Variants in ENPP2 observed in about 807,000 individuals in gnomAD.
ENPP2 encodes ectonucleotide pyrophosphatase/phosphodiesterase 2.
A neutral mutation model predicts 120.2 loss-of-function variants in ENPP2; 51 were observed. That is an observed-to-expected ratio of 0.42 (90% CI 0.34 to 0.54). The LOEUF (loss-of-function observed/expected upper bound fraction) is 0.54. Ranked by LOEUF, ENPP2 falls within the 20% of genes least tolerant of loss-of-function variation. The pLI is 0.04. For missense variants in ENPP2, 920 were observed against 1,066.5 expected (o/e 0.86, Z 1.91); for synonymous variants, 365 against 366.4 (o/e 1.00, Z 0.04).
At position 119,617,387 on chromosome 8, in the gene ENPP2, A is replaced by T; in HGVS notation, c.577+79T>A. 2.6e-6 allele frequency: 3 copies of T among 1,167,732 alleles called. No homozygotes were observed. The South Asian group carries it at 3.9e-5, about 15-fold the overall frequency. 72.3% of individuals were successfully genotyped at this position (1,167,732 alleles called of 1,614,324 possible). On this transcript the variant is annotated intron_variant, in intron 6 of 24. Transcript: ENST00000075322. Reference sequence around the variant, plus strand: ...CACATTTAAAACTACGTGCCCATAGATCTCAAAGCCCACAGCCCACTGGTT... The same window carrying T: ...CACATTTAAAACTACGTGCCCATAGTTCTCAAAGCCCACAGCCCACTGGTT...
intron 24 of ENPP2, among the ~76,000 whole-genome samples, chr8:119,561,914 G>A (rs934692854): frequency 1.3e-5 from 2 of 152,010 alleles, no homozygotes; most frequent in Admixed American, 6.6e-5. Flanking sequence ...CAAGGTGGGT[G>A]GATCACGAGG....
chr8:119,610,181 AC>A (rs763039489), intron 8 of ENPP2, among the ~76,000 whole-genome samples: 3 of 152,176 alleles, frequency 2.0e-5, no homozygotes, highest in Non-Finnish European at 4.4e-5. Context: ...GAAAAAAAAA[AC>A]TAACCAATTT....
upstream of ENPP2, among the ~76,000 whole-genome samples, chr8:119,640,904 G>A (rs1249416320): frequency 1.3e-5 from 2 of 151,948 alleles, no homozygotes. Flanking sequence ...ATGCCAACAC[G>A]CCTGGCTAAT....
intron 17 of ENPP2, 79 bp from the exon 18 acceptor site, chr8:119,582,681 C>A: frequency 9.8e-7 from 1 of 1,022,004 alleles, no homozygotes. Context: ...AACCCTTCAC[C>A]TTCTATGGGT....
intron 1 of ENPP2, chr8:119,673,222 A>C: frequency 6.6e-7 from 1 of 1,522,730 alleles, no homozygotes; most frequent in Non-Finnish European, 8.8e-7. Flanking sequence ...CAAGCAATGG[A>C]GGACGGGTAG....
At chr8:119,600,573 A>G (rs1814226604) in intron 11 of ENPP2, 105 bp downstream of exon 11, 2 of 741,962 alleles carry the variant, frequency 2.7e-6, no homozygotes, top group East Asian at 5.2e-5. Context: ...TAAACCTTGT[A>G]GATACAAACA....
chr8:119,557,786 C>A, intron 24 of ENPP2, 95 bp from the exon 25 acceptor site: 1 of 1,013,952 alleles, frequency 9.9e-7, no homozygotes, highest in Non-Finnish European at 1.4e-6. Context: ...GACCTCTGTG[C>A]ACTCTTGCAC....
rs768420223 is a variant in ENPP2, at chr8:119,673,234, G to C, written c.21+18C>G. The C allele has an allele frequency of 5.9e-6, 9 of 1,532,130 alleles. No individual in the cohort carries two copies. In the South Asian group the frequency reaches 1.1e-4, roughly 18 times the overall value. The allele number at this position is 1,532,130 out of a possible 1,614,324, so 94.9% of individuals were successfully genotyped here. A position where few individuals can be genotyped will look rare whatever the true frequency, so the allele number is the denominator to read the frequency against. On this transcript the variant is annotated intron_variant, in intron 1 of 25. Transcript: ENST00000427067. ...GCCCAAGCAATGGAGGACGGGTAGA[G>C]AGAGGCGCATACCGTACCCGATCGG...
chr8:119,641,317 G>GAAA (rs35551866), upstream of ENPP2, among the ~76,000 whole-genome samples: 1 of 139,144 alleles, frequency 7.2e-6, no homozygotes. Flanking sequence ...ACCTAAAGCT[G>GAAA]AAAAAAAAAA....
At chr8:119,607,775 C>A in intron 9 of ENPP2, 147 bp downstream of exon 9, 3 of 578,782 alleles carry the variant, frequency 5.2e-6, no homozygotes, top group East Asian at 3.1e-5. Flanking sequence ...AGGAAAAAAA[C>A]ACCTGGAAGG....
At chr8:119,619,086 C>T (rs542806662) in intron 5 of ENPP2, among the ~76,000 whole-genome samples, 158 bp downstream of exon 5, 3 of 152,286 alleles carry the variant, frequency 2.0e-5, no homozygotes, top group Non-Finnish European at 4.4e-5. Context: ...GACCTACCTT[C>T]AACCTTTCGA....
chr8:119,661,682 GA>G (rs1817924959), intron 1 of ENPP2, among the ~76,000 whole-genome samples: 1 of 152,126 alleles, frequency 6.6e-6, no homozygotes, highest in Non-Finnish European at 1.5e-5. Context: ...ATGTCCAAAG[GA>G]AATGAAATCA....
intron 1 of ENPP2, among the ~76,000 whole-genome samples, chr8:119,661,559 C>T (rs1299123372): frequency 6.6e-6 from 1 of 152,160 alleles, no homozygotes; most frequent in Non-Finnish European, 1.5e-5. Context: ...AACCCTTGTG[C>T]ACTCTTCATG....
In ENPP2 at chr8:119,583,772, C is replaced by A; in HGVS notation, c.1488G>T (p.Lys496Asn). 1.2e-6 allele frequency: 2 copies of A among 1,603,174 alleles called. No homozygotes were observed. Among genetic ancestry groups the A allele is most frequent in the Non-Finnish European group, 1.7e-6 (2 of 1,171,126 alleles). Residue 496 changes from lysine to asparagine, a missense_variant, in exon 17 of 25, where the codon AAG (lysine) becomes AAT (asparagine). Physicochemically the swap from Lys to Asn is moderately conservative, Grantham distance 94. Coordinates refer to ENST00000075322, the MANE Select transcript of ENPP2 (RefSeq NM_001040092.3). ...CAAATGGAGGCACTTTAGTCTTGTA[C>A]TTAAATGTTGAGCCATAACCTACAA... Reference protein sequence around the residue: ...TVFVGYGSTFKYKTKVPPFEN... With the variant: ...TVFVGYGSTFNYKTKVPPFEN...
chr8:119,577,564 A>C (rs544770906), intron 19 of ENPP2, among the ~76,000 whole-genome samples: 1 of 152,380 alleles, frequency 6.6e-6, no homozygotes, highest in East Asian at 1.9e-4. Context: ...AGGTTTATAC[A>C]TATTCCAGCA....
At position 119,588,459 on chromosome 8, in the gene ENPP2, G is replaced by T. The variant is rs568699555; in HGVS notation, c.1208-1384C>A. 4.3e-3 allele frequency among the ~76,000 whole-genome samples: 648 copies of T among 149,172 alleles called. 5 individuals carry two copies. Among genetic ancestry groups the T allele is most frequent in the African/African-American group, 0.015 (611 of 40,532 alleles). On this transcript the variant is annotated intron_variant, in intron 13 of 24. Coordinates refer to ENST00000075322, the MANE Select transcript of ENPP2 (RefSeq NM_001040092.3). ...CAGGAGAATTGCTTGAACCCAGGAG[G>T]CAGAGGTTGCAGTGAGCCAAGATGG...
rs140472383 is a variant in ENPP2 at position 119,671,682 on chromosome 8, C to T, written c.21+1570G>A. ...GTCCTAACTCGGTGATTTTAAGGTG[C>T]TCTATGGAACATCAAAGTAGAGACT... On this transcript the variant is annotated intron_variant, in intron 1 of 25. Transcript: ENST00000427067. 3.3e-5 allele frequency among the ~76,000 whole-genome samples: 5 copies of T among 152,206 alleles called. No individual in the cohort carries two copies. The East Asian group carries it at 9.7e-4, about 29-fold the overall frequency.
chr8:119,599,462 G>A (rs1186252654), intron 11 of ENPP2, among the ~76,000 whole-genome samples: 3 of 152,144 alleles, frequency 2.0e-5, no homozygotes, highest in African/African-American at 7.2e-5. Flanking sequence ...ATGTTTACCT[G>A]TATTTCTAAT....
intron 3 of ENPP2, among the ~76,000 whole-genome samples, chr8:119,622,584 A>G (rs893372978): frequency 2.6e-5 from 4 of 152,218 alleles, no homozygotes; most frequent in Non-Finnish European, 4.4e-5. Context: ...GCGCCATGGC[A>G]GGAAAAGTGA....
Sources: gnomAD v4.1 joint callset for allele counts (sites outside exome capture counted in the v4.1 genomes callset) on GRCh38, gnomAD v4.1.1 for gene constraint, MANE v1.5 for transcripts, NCBI Gene and HGNC (gene_info 2026-07-23, HGNC 2026-07-21) for gene names.